The following PCDH15 variants were observed in gnomAD, a reference collection of about 807,000 sequenced individuals.
The protein encoded by PCDH15 is protocadherin related 15.
Under a neutral mutation model 178.5 loss-of-function variants are expected in PCDH15, and 129 were observed. That is an observed-to-expected ratio of 0.72 (90% CI 0.63 to 0.84). The LOEUF is 0.84. PCDH15 is among the 40% of genes least tolerant of loss of function. PCDH15 has a pLI of 0.00. For synonymous variants in PCDH15, 800 were observed against 732.0 expected, an observed-to-expected ratio of 1.09 and a Z score of -1.50; for missense variants, 2,230 against 2,099.9, an observed-to-expected ratio of 1.06 and a Z score of -1.21.
intron 18 of PCDH15, among the ~76,000 whole-genome samples, chr10:54,045,507 T>C (rs2093636842): frequency 1.3e-5 from 2 of 152,072 alleles, no homozygotes; most frequent in Non-Finnish European, 2.9e-5. Context: ...GTAAAATCAC[T>C]ATAATTGAGA....
At chr10:54,005,734 T>C (rs932939161) in intron 20 of PCDH15, among the ~76,000 whole-genome samples, 10 of 151,996 alleles carry the variant, frequency 6.6e-5, no homozygotes, top group Non-Finnish European at 2.9e-5. Flanking sequence ...ACAACCACTA[T>C]GGAGAACAGT....
chr10:55,575,473 C>T (rs772624154), intron 2 of PCDH15, among the ~76,000 whole-genome samples: 2 of 152,018 alleles, frequency 1.3e-5, no homozygotes, highest in Admixed American at 6.6e-5. Flanking sequence ...CAAATGATAC[C>T]ATTAATTCAA....
chr10:54,873,002 T>C (rs1431471324), intron 3 of PCDH15, among the ~76,000 whole-genome samples: 1 of 148,624 alleles, frequency 6.7e-6, no homozygotes, highest in Non-Finnish European at 1.5e-5. Context: ...TTGTAAAAGC[T>C]ACCAACCATC....
intron 1 of PCDH15, among the ~76,000 whole-genome samples, chr10:54,754,089 A>C (rs1946734141): frequency 5.3e-5 from 8 of 151,606 alleles, no homozygotes; most frequent in Admixed American, 5.3e-4. Context: ...CATCCTCCCA[A>C]AGTGCTGGGA....
At chr10:53,959,068 G>T (rs968186059) in intron 23 of PCDH15, among the ~76,000 whole-genome samples, 3 of 146,896 alleles carry the variant, frequency 2.0e-5, no homozygotes, top group East Asian at 4.0e-4. Context: ...TGCCTCAGTT[G>T]ACTAAAACAG....
At chr10:55,496,222 G>A (rs1589081652) in intron 2 of PCDH15, among the ~76,000 whole-genome samples, 1 of 151,540 alleles carries the variant, frequency 6.6e-6, no homozygotes, top group African/African-American at 2.4e-5. Context: ...TTTCTCAGCA[G>A]AAATCCCATC....
At chr10:53,987,948 C>T (rs1408663901) in intron 21 of PCDH15, among the ~76,000 whole-genome samples, 1 of 152,148 alleles carries the variant, frequency 6.6e-6, no homozygotes, top group Non-Finnish European at 1.5e-5. Context: ...CCAGGTTTTT[C>T]TCTTATCTAA....
intron 2 of PCDH15, among the ~76,000 whole-genome samples, chr10:55,074,734 T>C (rs989167507): frequency 6.6e-6 from 1 of 152,170 alleles, no homozygotes; most frequent in Non-Finnish European, 1.5e-5. Flanking sequence ...ATCACATTTG[T>C]CTATTTTGGC....
intron 3 of PCDH15, among the ~76,000 whole-genome samples, chr10:54,436,021 G>A (rs1565270255): frequency 4.4e-4 from 41 of 92,580 alleles, no homozygotes; most frequent in African/African-American, 1.8e-3. Context: ...GGAGAGGAGA[G>A]GAGAGGAGAG....
intron 2 of PCDH15, among the ~76,000 whole-genome samples, chr10:55,324,668 A>C (rs905259051): frequency 1.3e-5 from 2 of 152,142 alleles, no homozygotes; most frequent in African/African-American, 2.4e-5. Context: ...TAGACTGATC[A>C]TTGAGGTAGA....
chr10:55,169,757 G>A (rs933455716), intron 1 of PCDH15, among the ~76,000 whole-genome samples: 4 of 151,994 alleles, frequency 2.6e-5, no homozygotes, highest in Admixed American at 1.3e-4. Context: ...ATTATCAGAG[G>A]TAATTACAAT....
Position 53,888,702 on chromosome 10 carries a change from T to TATATATAC in PCDH15, c.3501+14540_3501+14541insGTATATAT, listed in dbSNP as rs1554845542. ...ATATATATATATATATATATATATA[T>TATATATAC]ATCTCCTGTGGAAATTGATAAGCTG... On this transcript the variant is annotated intron_variant, in intron 26 of 37. Transcript: ENST00000644397. 4.3e-5 allele frequency among the ~76,000 whole-genome samples: 2 copies of TATATATAC among 46,190 alleles called. 1 individual carries two copies. The highest frequency in any genetic ancestry group is 1.2e-4 in the African/African-American group (2 of 17,082). The allele number at this position is 46,190 out of a possible 152,430, so 30.3% of individuals were successfully genotyped here.
At chr10:54,913,349 T>C (rs549955177) in intron 2 of PCDH15, among the ~76,000 whole-genome samples, 1 of 152,216 alleles carries the variant, frequency 6.6e-6, no homozygotes, top group South Asian at 2.1e-4. Context: ...GGTCCAGCCA[T>C]CAGAAGGTGC....
At chr10:54,831,679 C>A (rs1953229587) in intron 3 of PCDH15, among the ~76,000 whole-genome samples, 1 of 152,070 alleles carries the variant, frequency 6.6e-6, no homozygotes, top group Admixed American at 6.6e-5. Context: ...TTGAATTCCA[C>A]ATGCCAATCA....
At chr10:54,876,436 CT>C (rs1954144994) in intron 3 of PCDH15, among the ~76,000 whole-genome samples, 1 of 152,104 alleles carries the variant, frequency 6.6e-6, no homozygotes, top group Non-Finnish European at 1.5e-5. Context: ...CAGACCATAG[CT>C]GCCATAGATA....
At chr10:55,225,634 T>TG (rs1404006821) in intron 1 of PCDH15, among the ~76,000 whole-genome samples, 3 of 145,974 alleles carry the variant, frequency 2.1e-5, no homozygotes, top group African/African-American at 7.5e-5. Flanking sequence ...TGTGTGTGTG[T>TG]TTGTGTGTGT....
At chr10:54,382,768 G>A (rs1949395641) in intron 3 of PCDH15, among the ~76,000 whole-genome samples, 1 of 152,116 alleles carries the variant, frequency 6.6e-6, no homozygotes, top group South Asian at 2.1e-4. Context: ...ATACTCTTGT[G>A]AAACCTTAAG....
chr10:55,433,403 C>A (rs1292475657), intron 2 of PCDH15, among the ~76,000 whole-genome samples: 4 of 152,026 alleles, frequency 2.6e-5, no homozygotes, highest in Non-Finnish European at 2.9e-5. Flanking sequence ...GTAACAACAG[C>A]GACCATGGCC....
At chr10:55,192,517 C>T (rs568138731) in intron 1 of PCDH15, among the ~76,000 whole-genome samples, 18 of 151,656 alleles carry the variant, frequency 1.2e-4, no homozygotes, top group African/African-American at 4.1e-4. Flanking sequence ...CTTTTCCTGC[C>T]TTTGATAAAG....
Sources: gnomAD v4.1 joint callset for allele counts (sites outside exome capture counted in the v4.1 genomes callset) on GRCh38, gnomAD v4.1.1 for gene constraint, MANE v1.5 for transcripts, NCBI Gene and HGNC (gene_info 2026-07-23, HGNC 2026-07-21) for gene names.